Variants in NACC2 observed in about 807,000 individuals in gnomAD.
NACC2 encodes NACC family member 2.
A neutral mutation model predicts 25.1 loss-of-function variants in NACC2; 8 were observed. The observed-to-expected ratio is 0.32, with a 90% CI of 0.19 to 0.57. The LOEUF (loss-of-function observed/expected upper bound fraction) is 0.57, where lower values mean the gene tolerates loss of function less well. Among genes scored for constraint, NACC2 ranks in the 20% least tolerant of loss-of-function variants. The pLI, the probability that NACC2 is intolerant of heterozygous loss-of-function variation, is 0.89. For synonymous variants in NACC2, 435 were observed against 294.7 expected (o/e 1.48, Z -4.88); for missense variants, 644 against 650.2 (o/e 0.99, Z 0.10).
rs1245177051 is a variant in NACC2 at position 136,010,046 on chromosome 9, C to T, written c.*1470G>A. 1 of 152,218 alleles carries T rather than the reference C, an allele frequency of 6.6e-6. No homozygotes were observed. Among genetic ancestry groups the T allele is most frequent in the African/African-American group, 2.4e-5 (1 of 41,398 alleles). The allele number at this position is 152,218 out of a possible 1,614,324, so 9.4% of individuals were successfully genotyped here. The stretch of plus-strand genomic sequence containing the variant: ...GGAGGGACACCTGGGTAGGTGGCCA[C>T]ACCAGCACTTCACACAGGACTTCAC... On this transcript the variant is annotated 3_prime_UTR_variant, in exon 6 of 6. Coordinates refer to ENST00000277554, the MANE Select transcript of NACC2 (RefSeq NM_144653.5). The surrounding 1 kb of genome is among the most constrained non-coding windows in gnomAD (Gnocchi z 4.9).
intron 1 of NACC2, among the ~76,000 whole-genome samples, chr9:136,068,887 A>G (rs1841117762): frequency 6.6e-6 from 1 of 151,172 alleles, no homozygotes; most frequent in South Asian, 2.1e-4. Flanking sequence ...TGATCTAAAT[A>G]CACCCATTAA....
Position 136,090,003 on chromosome 9 carries a change from A to T in NACC2, c.-60+5186T>A, listed in dbSNP as rs996901246. 2.2e-4 allele frequency among the ~76,000 whole-genome samples: 34 copies of T among 152,264 alleles called. 1 individual carries two copies. In the East Asian group the frequency reaches 4.0e-3, roughly 18 times the overall value. On this transcript the variant is annotated intron_variant, in intron 1 of 5. Coordinates refer to ENST00000277554, the MANE Select transcript of NACC2 (RefSeq NM_144653.5). Reference sequence around the variant, plus strand: ...TTATATCCAAAAAAAAAAAGAATAAACTGCTGACAACAAAAAGTATCAATA... The same window carrying T: ...TTATATCCAAAAAAAAAAAGAATAATCTGCTGACAACAAAAAGTATCAATA...
At chr9:136,061,442 C>G (rs1564235072) in intron 1 of NACC2, among the ~76,000 whole-genome samples, 1 of 152,222 alleles carries the variant, frequency 6.6e-6, no homozygotes, top group Non-Finnish European at 1.5e-5. Context: ...GCTGCCCCCT[C>G]ACCCAGGAAC....
In NACC2 at chr9:136,086,102, C is replaced by T. The variant is rs1366780688; in HGVS notation, c.-60+9087G>A. Among the ~76,000 whole-genome samples the T allele has an allele frequency of 6.6e-6, 1 of 152,236 alleles. No homozygotes were observed. Among genetic ancestry groups the T allele is most frequent in the Admixed American group, 6.5e-5 (1 of 15,290 alleles). On this transcript the variant is annotated intron_variant, in intron 1 of 5. Coordinates refer to ENST00000277554, the MANE Select transcript of NACC2 (RefSeq NM_144653.5). The surrounding 1 kb of genome is among the most constrained non-coding windows in gnomAD (Gnocchi z 5.6). ...GCAGGAGCCGCCTCCAGGCCCTTCA[C>T]CTCGGGCTGGAGAAAACCAAGTCAC...
intron 1 of NACC2, among the ~76,000 whole-genome samples, chr9:136,062,081 C>T (rs538886613): frequency 2.0e-5 from 3 of 151,598 alleles, no homozygotes; most frequent in East Asian, 1.9e-4. Flanking sequence ...GATTGCACCA[C>T]TGTACCTGTA....
intron 1 of NACC2, among the ~76,000 whole-genome samples, chr9:136,091,622 G>A (rs923090882): frequency 1.7e-4 from 26 of 152,166 alleles, no homozygotes; most frequent in African/African-American, 6.0e-4. Context: ...TGCCCACTGC[G>A]CTCTGCTGAG....
chr9:136,037,015 A>C (rs1840563903), intron 2 of NACC2, among the ~76,000 whole-genome samples: 1 of 152,250 alleles, frequency 6.6e-6, no homozygotes, highest in Non-Finnish European at 1.5e-5. Flanking sequence ...AGAAGAACAT[A>C]GATAAGGATG....
chr9:136,025,513 C>T (rs1319930530), intron 2 of NACC2, among the ~76,000 whole-genome samples: 2 of 151,624 alleles, frequency 1.3e-5, no homozygotes, highest in Non-Finnish European at 2.9e-5. Flanking sequence ...TAGCAGACAC[C>T]GAATTTAAAA....
intron 1 of NACC2, among the ~76,000 whole-genome samples, chr9:136,091,914 G>A (rs1350515122): frequency 6.6e-6 from 1 of 152,084 alleles, no homozygotes; most frequent in Non-Finnish European, 1.5e-5. Context: ...GGAGGCAGGC[G>A]TGGAGCAGCA....
At chr9:136,094,483 G>T (rs1241412366) in intron 1 of NACC2, among the ~76,000 whole-genome samples, 1 of 152,212 alleles carries the variant, frequency 6.6e-6, no homozygotes, top group South Asian at 2.1e-4. Flanking sequence ...CGGGGTGCGC[G>T]GCGGGCCCCG....
rs748330705 is a variant in NACC2, at chr9:136,020,901, C to T, written c.887-4472G>A. 3.9e-5 allele frequency among the ~76,000 whole-genome samples: 6 copies of T among 152,164 alleles called. No homozygotes were observed. Among genetic ancestry groups the T allele is most frequent in the Non-Finnish European group, 5.9e-5 (4 of 68,024 alleles). ...GAGCAACTGGCCATCCGCACCCACA[C>T]GTGGCACCAAAACCACCCTCCGTCT... On this transcript the variant is annotated intron_variant, in intron 2 of 5. Transcript: ENST00000277554. This position sits in a 1 kb window ranked among gnomAD's most constrained non-coding sequence, Gnocchi z 4.7.
intron 1 of NACC2, 27 bp from the exon 2 acceptor site, chr9:136,050,607 A>C (rs1588571884): frequency 1.4e-6 from 1 of 699,512 alleles, no homozygotes; most frequent in East Asian, 2.7e-5. Flanking sequence ...GCACGTGGTC[A>C]GTTCCTCCAG....
rs1830353515 is a variant in NACC2 at position 136,084,081 on chromosome 9, C to T, written c.-60+11108G>A. On this transcript the variant is annotated intron_variant, in intron 1 of 5. Transcript: ENST00000277554. The surrounding 1 kb of genome is among the most constrained non-coding windows in gnomAD (Gnocchi z 5.1). Reference sequence around the variant, plus strand: ...GAGCGGGGAGGTAGGGAAGGTGGTGCTCGCTGAGGGTGTCCCTCACTCAGT... The same window carrying T: ...GAGCGGGGAGGTAGGGAAGGTGGTGTTCGCTGAGGGTGTCCCTCACTCAGT... Among the ~76,000 whole-genome samples, 1 of 152,022 alleles carries T rather than the reference C, an allele frequency of 6.6e-6. No individual in the cohort carries two copies. Among genetic ancestry groups the T allele is most frequent in the Admixed American group, 6.5e-5 (1 of 15,276 alleles).
chr9:136,090,161 C>G (rs1214321437), intron 1 of NACC2, among the ~76,000 whole-genome samples: 2 of 152,246 alleles, frequency 1.3e-5, no homozygotes, highest in African/African-American at 4.8e-5. Context: ...TTTCTTGGCA[C>G]AGACACCAGC....
Position 136,011,923 on chromosome 9 carries a change from G to A in NACC2, c.1357C>T (p.Pro453Ser). Residue 453 changes from proline (P) to serine (S), a missense_variant, in exon 6 of 6, where the codon CCC becomes TCC. Transcript: ENST00000277554. ...NARRVRKRWL[P>S]KIKSMLPEGV... ...TCCGGCAGCATGGACTTGATCTTGG[G>A]CAGCCAGCGCTTGCGAACGCGGCGG... The A allele has an allele frequency of 6.3e-7, 1 of 1,597,336 alleles. No individual in the cohort carries two copies. The highest frequency in any genetic ancestry group is 8.5e-7 in the Non-Finnish European group (1 of 1,174,054).
chr9:136,035,558 C>A (rs1840538623), intron 2 of NACC2, among the ~76,000 whole-genome samples: 1 of 152,104 alleles, frequency 6.6e-6, no homozygotes, highest in South Asian at 2.1e-4. Flanking sequence ...GGATTAAATA[C>A]CACATCAGGG....
At chr9:136,062,024 G>A (rs534996096) in intron 1 of NACC2, among the ~76,000 whole-genome samples, 19 of 152,222 alleles carry the variant, frequency 1.2e-4, no homozygotes, top group South Asian at 1.0e-3. Flanking sequence ...GGAGGCTGAG[G>A]CAGGAGAATC....
At chr9:136,045,524 G>A (rs1206220751) in intron 2 of NACC2, among the ~76,000 whole-genome samples, 1 of 152,228 alleles carries the variant, frequency 6.6e-6, no homozygotes, top group Non-Finnish European at 1.5e-5. Flanking sequence ...CCACTGCTGA[G>A]GGCATGAAAG....
At chr9:136,050,639 G>A (rs1840815347) in intron 1 of NACC2, 59 bp from the exon 2 acceptor site, 6 of 672,944 alleles carry the variant, frequency 8.9e-6, no homozygotes, top group African/African-American at 3.5e-5. Context: ...CCCGCTCAAG[G>A]GGCCGTTCCC....
Sources: allele counts gnomAD v4.1 joint callset (sites outside exome capture counted in the v4.1 genomes callset), GRCh38; gene constraint gnomAD v4.1.1; non-coding constraint Gnocchi (gnomAD v3.1); transcripts MANE v1.5; gene names NCBI Gene and HGNC (gene_info 2026-07-23, HGNC 2026-07-21).